MRTFB: variants seen among roughly 807,000 people sequenced by gnomAD.
The protein encoded by MRTFB is myocardin related transcription factor B.
Under a neutral mutation model 104.2 loss-of-function variants are expected in MRTFB, and 29 were observed. The observed-to-expected ratio is 0.28, with a 90% CI of 0.21 to 0.38. MRTFB has a LOEUF of 0.38. Ranked by LOEUF, MRTFB falls within the 10% of genes least tolerant of loss-of-function variation. The pLI is 1.00. For synonymous variants in MRTFB, 535 were observed against 519.5 expected (o/e 1.03, Z -0.41); for missense variants, 1,270 against 1,341.6 (o/e 0.95, Z 0.83).
At chr16:14,033,027 T>A in the MRTFB span, among the ~76,000 whole-genome samples, 363 of 151,998 alleles carry the variant, frequency 2.4e-3, 4 homozygotes, top group African/African-American at 8.3e-3. Context: ...GTTTTTTTTT[T>A]AGTAGGTCTG....
intron 3 of MRTFB, among the ~76,000 whole-genome samples, chr16:14,181,299 A>G (rs2039763036): frequency 6.6e-6 from 1 of 152,198 alleles, no homozygotes; most frequent in Non-Finnish European, 1.5e-5. Flanking sequence ...GTTAAAAGCG[A>G]GAAAAATATG....
chr16:14,258,245 T>C (rs2043596844), intron 16 of MRTFB, 84 bp downstream of exon 16: 1 of 1,023,866 alleles, frequency 9.8e-7, no homozygotes, highest in African/African-American at 1.6e-5. Flanking sequence ...CACTCATAGC[T>C]TATCTTTAGA....
chr16:14,030,203 C>T, the MRTFB span, among the ~76,000 whole-genome samples: 1 of 152,144 alleles, frequency 6.6e-6, no homozygotes. Context: ...CCTCAGAAAG[C>T]GTTCAGTCCA....
chr16:14,042,867 C>G, the MRTFB span, among the ~76,000 whole-genome samples: 1 of 152,290 alleles, frequency 6.6e-6, no homozygotes, highest in East Asian at 1.9e-4. Flanking sequence ...AATGTGTGCC[C>G]AGAAGATTAG....
At position 14,243,864 on chromosome 16, in the gene MRTFB, G is replaced by GTTTTTT. The variant is rs56296807; in HGVS notation, c.1080-1656_1080-1651dup. 9.6e-5 allele frequency among the ~76,000 whole-genome samples: 12 copies of GTTTTTT among 124,648 alleles called. 2 individuals are homozygous for GTTTTTT. The highest frequency in any genetic ancestry group is 4.2e-4 in the African/African-American group (11 of 26,476). 81.8% of individuals were successfully genotyped at this position (124,648 alleles called of 152,430 possible). ...CAGAGATTAGTTTTGCCTGTTTTGG[G>GTTTTTT]TTTTTTTTTTTTTGAGACAGAGTCT... On this transcript the variant is annotated intron_variant, in intron 10 of 16. Coordinates refer to ENST00000571589, the MANE Select transcript of MRTFB (RefSeq NM_001308142.2).
chr16:14,058,907 A>G, the MRTFB span, among the ~76,000 whole-genome samples: 32 of 151,770 alleles, frequency 2.1e-4, no homozygotes, highest in Admixed American at 1.2e-3. Context: ...TGTAGTAGAG[A>G]CAGGGTTTTG....
intron 3 of MRTFB, among the ~76,000 whole-genome samples, chr16:14,190,315 T>C (rs1173235180): frequency 6.6e-6 from 1 of 152,190 alleles, no homozygotes; most frequent in Admixed American, 6.5e-5. Flanking sequence ...CTTCAAACAT[T>C]CTCTGATTAC....
intron 8 of MRTFB, among the ~76,000 whole-genome samples, chr16:14,229,662 C>A (rs1439317917): frequency 2.6e-5 from 4 of 152,080 alleles, no homozygotes; most frequent in African/African-American, 9.7e-5. Flanking sequence ...GCTCTGACTT[C>A]TGTTTTTTTT....
At chr16:14,077,288 A>G (rs1202910289) in intron 1 of MRTFB, among the ~76,000 whole-genome samples, 2 of 152,166 alleles carry the variant, frequency 1.3e-5, no homozygotes, top group Admixed American at 6.5e-5. Flanking sequence ...GTTCAGAGTG[A>G]TATATAATTC....
At chr16:14,165,681 A>T (rs915000873) in intron 3 of MRTFB, among the ~76,000 whole-genome samples, 1 of 152,132 alleles carries the variant, frequency 6.6e-6, no homozygotes, top group African/African-American at 2.4e-5. Context: ...AACCTTGTTC[A>T]TGTGACACCA....
chr16:14,147,982 C>T (rs1402107095), intron 3 of MRTFB, among the ~76,000 whole-genome samples: 6 of 152,140 alleles, frequency 3.9e-5, no homozygotes, highest in African/African-American at 1.2e-4. Flanking sequence ...TCTATAGTTA[C>T]TGAAGTCACA....
intron 3 of MRTFB, among the ~76,000 whole-genome samples, chr16:14,183,080 A>G (rs2039822846): frequency 1.3e-5 from 2 of 152,222 alleles, no homozygotes. Flanking sequence ...CAAAAAGAAT[A>G]ATTTCGCCAT....
chr16:14,135,999 G>A (rs778804560), intron 2 of MRTFB, among the ~76,000 whole-genome samples: 6 of 152,272 alleles, frequency 3.9e-5, no homozygotes, highest in East Asian at 1.9e-4. Flanking sequence ...GGCCAGGCGC[G>A]GTGGCTCATG....
At chr16:14,165,111 A>G (rs567317574) in intron 3 of MRTFB, among the ~76,000 whole-genome samples, 2 of 151,718 alleles carry the variant, frequency 1.3e-5, no homozygotes, top group Non-Finnish European at 2.9e-5. Flanking sequence ...TTTTGTTCCA[A>G]TGCTTAGTTT....
At chr16:14,257,995 G>A (rs529011246) in intron 15 of MRTFB, 106 bp from the exon 16 acceptor site, 10 of 953,812 alleles carry the variant, frequency 1.0e-5, no homozygotes, top group African/African-American at 4.9e-5. Context: ...AAATTATCAC[G>A]ATAGATTAGA....
At chr16:14,086,216 CCTTT>C (rs2034697001) in intron 2 of MRTFB, among the ~76,000 whole-genome samples, 1 of 152,118 alleles carries the variant, frequency 6.6e-6, no homozygotes, top group Non-Finnish European at 1.5e-5. Context: ...GTCTTTTAAG[CCTTT>C]CTGACTCCTA....
intron 3 of MRTFB, chr16:14,200,836 G>A: frequency 6.8e-7 from 1 of 1,467,414 alleles, no homozygotes; most frequent in Admixed American, 1.7e-5. Context: ...TATCGTGGGT[G>A]TGGTGCTACA....
At chr16:14,122,226 A>G (rs778535493) in intron 2 of MRTFB, among the ~76,000 whole-genome samples, 3 of 144,190 alleles carry the variant, frequency 2.1e-5, no homozygotes, top group Non-Finnish European at 3.0e-5. Context: ...CCCTTTCAGT[A>G]CATATGGATC....
chr16:14,208,405 T>C (rs886214728), intron 3 of MRTFB, among the ~76,000 whole-genome samples: 22 of 152,348 alleles, frequency 1.4e-4, no homozygotes, highest in African/African-American at 5.3e-4. Flanking sequence ...TTTCATTGTT[T>C]GGTTTTTGTT....
Sources: gnomAD v4.1 joint callset for allele counts (sites outside exome capture counted in the v4.1 genomes callset) on GRCh38, gnomAD v4.1.1 for gene constraint, MANE v1.5 for transcripts, NCBI Gene and HGNC (gene_info 2026-07-23, HGNC 2026-07-21) for gene names.